Variants in NAV3 observed in about 807,000 individuals in gnomAD.
NAV3 encodes neuron navigator 3.
NAV3 carries 87 observed loss-of-function variants against 244.7 expected under a neutral mutation model. The ratio of observed to expected loss-of-function variants is 0.36; its 90% confidence interval spans 0.30 to 0.42. The LOEUF (loss-of-function observed/expected upper bound fraction) is 0.42. Among genes scored for constraint, NAV3 ranks in the 20% least tolerant of loss-of-function variants. The pLI, the probability that NAV3 is intolerant of heterozygous loss-of-function variation, is 1.00. For synonymous variants in NAV3, 1,126 were observed against 1,042.2 expected (o/e 1.08, Z -1.55); for missense variants, 2,663 against 2,893.3 (o/e 0.92, Z 1.83).
chr12:77,867,615 T>C (rs1372067310), intron 1 of NAV3, among the ~76,000 whole-genome samples: 1 of 152,006 alleles, frequency 6.6e-6, no homozygotes, highest in African/African-American at 2.4e-5. Flanking sequence ...AGAGACGGGG[T>C]TTCACTGTGT....
intron 1 of NAV3, among the ~76,000 whole-genome samples, chr12:77,889,446 C>A (rs1289781854): frequency 2.0e-5 from 3 of 152,152 alleles, no homozygotes; most frequent in African/African-American, 7.2e-5. Context: ...ATAATTAGTT[C>A]TGTTTCTCTC....
intron 2 of NAV3, among the ~76,000 whole-genome samples, chr12:77,612,771 G>C (rs943940121): frequency 6.6e-6 from 1 of 152,030 alleles, no homozygotes; most frequent in Non-Finnish European, 1.5e-5. Context: ...TGATTTGGCT[G>C]TGTCCCCACC....
intron 2 of NAV3, among the ~76,000 whole-genome samples, chr12:77,792,649 T>G (rs1158916255): frequency 6.6e-6 from 1 of 152,188 alleles, no homozygotes; most frequent in Non-Finnish European, 1.5e-5. Context: ...CCCGGAAAAT[T>G]TTGCAGAACT....
chr12:77,938,490 AGTT>A (rs1404399990), intron 1 of NAV3, among the ~76,000 whole-genome samples: 27 of 152,290 alleles, frequency 1.8e-4, no homozygotes, highest in Middle Eastern at 3.4e-3. Context: ...GGATGCTTCC[AGTT>A]GTTTACATCT....
chr12:77,798,826 A>G (rs553361749), intron 2 of NAV3, among the ~76,000 whole-genome samples: 37 of 152,292 alleles, frequency 2.4e-4, no homozygotes, highest in Middle Eastern at 6.8e-3. Context: ...GGCATTAATA[A>G]AATGGAACTA....
intron 1 of NAV3, among the ~76,000 whole-genome samples, chr12:77,917,453 T>C (rs1213110934): frequency 1.3e-5 from 2 of 152,056 alleles, no homozygotes; most frequent in Non-Finnish European, 2.9e-5. Context: ...TACACATCTT[T>C]TATATCATCA....
At chr12:78,161,218 A>T (rs2139431450) in intron 23 of NAV3, among the ~76,000 whole-genome samples, 1 of 152,228 alleles carries the variant, frequency 6.6e-6, no homozygotes, top group African/African-American at 2.4e-5. Flanking sequence ...ACCTTGTAGG[A>T]TCACCATGAG....
chr12:78,127,971 G>T (rs959631269), intron 17 of NAV3, among the ~76,000 whole-genome samples: 1 of 151,972 alleles, frequency 6.6e-6, no homozygotes, highest in African/African-American at 2.4e-5. Context: ...ACTAATAGAG[G>T]TATAACACTG....
chr12:77,654,648 C>T (rs1056417792), intron 2 of NAV3, among the ~76,000 whole-genome samples: 3 of 152,174 alleles, frequency 2.0e-5, no homozygotes, highest in Non-Finnish European at 2.9e-5. Context: ...GGGCAGACTG[C>T]CTCCTCAGGT....
chr12:77,851,023 C>G (rs919143082), intron 1 of NAV3, among the ~76,000 whole-genome samples: 1 of 152,160 alleles, frequency 6.6e-6, no homozygotes, highest in East Asian at 1.9e-4. Context: ...TCATAGACAT[C>G]GGATACGCTG....
At chr12:77,690,471 G>A (rs1040571260) in intron 2 of NAV3, among the ~76,000 whole-genome samples, 5 of 151,706 alleles carry the variant, frequency 3.3e-5, no homozygotes, top group African/African-American at 7.3e-5. Context: ...CACTTTGTAA[G>A]CATCATTAAA....
intron 7 of NAV3, among the ~76,000 whole-genome samples, chr12:78,000,199 C>A (rs898044979): frequency 3.3e-5 from 5 of 152,056 alleles, no homozygotes; most frequent in South Asian, 2.1e-4. Context: ...GAAGGCAGTG[C>A]AAAATTAGAT....
intron 1 of NAV3, among the ~76,000 whole-genome samples, chr12:77,850,444 A>T (rs775864883): frequency 6.6e-6 from 1 of 152,196 alleles, no homozygotes; most frequent in Non-Finnish European, 1.5e-5. Context: ...TTCAGACAGG[A>T]TACTTATCAA....
At chr12:78,185,368 C>T (rs1958667197) in intron 30 of NAV3, among the ~76,000 whole-genome samples, 1 of 151,690 alleles carries the variant, frequency 6.6e-6, no homozygotes, top group African/African-American at 2.4e-5. Context: ...CAGTGAGTGG[C>T]CCAACACTTG....
intron 34 of NAV3, among the ~76,000 whole-genome samples, chr12:78,193,585 C>A (rs1959074526): frequency 6.6e-6 from 1 of 152,098 alleles, no homozygotes; most frequent in African/African-American, 2.4e-5. Flanking sequence ...CTGACTAGAT[C>A]TGGAAAAAAG....
chr12:77,746,891 A>G (rs557011599), intron 2 of NAV3, among the ~76,000 whole-genome samples: 162 of 152,288 alleles, frequency 1.1e-3, no homozygotes, highest in African/African-American at 3.7e-3. Context: ...GTTCTGCTGC[A>G]TGTCATATAG....
intron 5 of NAV3, among the ~76,000 whole-genome samples, chr12:77,988,214 T>C (rs551297791): frequency 2.0e-5 from 3 of 152,338 alleles, no homozygotes; most frequent in African/African-American, 4.8e-5. Flanking sequence ...AGATGGGATC[T>C]GAGGTTCTAT....
intron 2 of NAV3, among the ~76,000 whole-genome samples, chr12:77,636,891 C>T (rs1872181267): frequency 6.6e-6 from 1 of 151,986 alleles, no homozygotes; most frequent in Non-Finnish European, 1.5e-5. Context: ...AACACAAGAA[C>T]AGAAAACCAA....
At chr12:77,977,996 A>G (rs1868831084) in intron 5 of NAV3, among the ~76,000 whole-genome samples, 1 of 152,100 alleles carries the variant, frequency 6.6e-6, no homozygotes, top group Non-Finnish European at 1.5e-5. Context: ...AATGCTTTTT[A>G]TGTTCAGATC....
Sources: allele counts gnomAD v4.1 joint callset (sites outside exome capture counted in the v4.1 genomes callset), GRCh38; gene constraint gnomAD v4.1.1; transcripts MANE v1.5; gene names NCBI Gene and HGNC (gene_info 2026-07-23, HGNC 2026-07-21).